Variants in STAM2 observed in about 807,000 individuals in gnomAD.
The protein encoded by STAM2 is signal transducing adapter molecule 2.
In STAM2, 51 loss-of-function variants were observed where a neutral mutation model predicts 65.6. The ratio of observed to expected loss-of-function variants is 0.78; its 90% CI spans 0.62 to 0.98. The LOEUF (loss-of-function observed/expected upper bound fraction) is 0.98, where lower values mean the gene tolerates loss of function less well. Ranked by LOEUF, STAM2 falls within the 50% of genes least tolerant of loss-of-function variation. STAM2 has a pLI of 0.00. For missense variants in STAM2, 584 were observed against 617.8 expected (o/e 0.95, Z 0.58); for synonymous variants, 198 against 208.4 (o/e 0.95, Z 0.43).
chr2:152,164,170 T>C (rs543284138), intron 1 of STAM2, among the ~76,000 whole-genome samples: 16 of 152,138 alleles, frequency 1.1e-4, no homozygotes, highest in Non-Finnish European at 2.1e-4. Flanking sequence ...CTTCTCTTTG[T>C]ACTCTTTCTC....
intron 1 of STAM2, among the ~76,000 whole-genome samples, chr2:152,160,924 G>T (rs1689660170): frequency 6.6e-6 from 1 of 151,462 alleles, no homozygotes; most frequent in African/African-American, 2.4e-5. Context: ...GAGGTGAGGG[G>T]CGCCTCTGCC....
At chr2:152,162,664 T>C (rs1205225594) in intron 1 of STAM2, among the ~76,000 whole-genome samples, 4 of 152,138 alleles carry the variant, frequency 2.6e-5, no homozygotes, top group African/African-American at 9.7e-5. Flanking sequence ...TAATTTGAGA[T>C]ACAGTCTCAC....
chr2:152,160,728 C>T (rs1426975648), intron 1 of STAM2, among the ~76,000 whole-genome samples: 2 of 149,164 alleles, frequency 1.3e-5, no homozygotes. Context: ...TGGCCAGCTG[C>T]CCCATCCGGG....
Position 152,165,710 on chromosome 2 carries a change from A to G in STAM2, c.40+9893T>C, listed in dbSNP as rs1056618335. ...GAGTAGTTCACCTCCATTCTGACTC[A>G]AACCCAAATCCATGTTCTCATTTGT... On this transcript the variant is annotated intron_variant, in intron 1 of 13. Transcript: ENST00000263904. 2.6e-5 allele frequency among the ~76,000 whole-genome samples: 4 copies of G among 152,172 alleles called. 1 individual carries two copies. Among genetic ancestry groups the G allele is most frequent in the African/African-American group, 2.4e-5 (1 of 41,440 alleles).
chr2:152,118,544 C>A lies in STAM2; in HGVS notation c.*2030G>T, dbSNP rs1688793988. The A allele has an allele frequency of 1.3e-5, 2 of 150,752 alleles. No homozygotes were observed. Among genetic ancestry groups the A allele is most frequent in the South Asian group, 4.2e-4 (2 of 4,812 alleles). 9.3% of individuals were successfully genotyped at this position (150,752 alleles called of 1,614,324 possible). ...TGGGTGTGCAGTAATTATATTGGCT[C>A]AAAGACATGCTGAATTAAACTTTTA... On this transcript the variant is annotated 3_prime_UTR_variant, in exon 14 of 14. Transcript: ENST00000263904.
intron 1 of STAM2, among the ~76,000 whole-genome samples, chr2:152,168,000 TTAAAGGACAA>T (rs1279126404): frequency 1.3e-5 from 2 of 151,852 alleles, no homozygotes; most frequent in African/African-American, 2.4e-5. Flanking sequence ...AGTGGTCAGA[TTAAAGGACAA>T]TAGACAACCA....
intron 11 of STAM2, 28 bp from the exon 12 acceptor site, chr2:152,126,407 C>CTTT: frequency 1.4e-6 from 2 of 1,380,426 alleles, no homozygotes; most frequent in Non-Finnish European, 1.9e-6. Context: ...TATTATAATA[C>CTTT]TCTTCTAGTT....
At chr2:152,148,809 G>C (rs1185182697) in intron 2 of STAM2, among the ~76,000 whole-genome samples, 1 of 150,898 alleles carries the variant, frequency 6.6e-6, no homozygotes, top group Admixed American at 6.6e-5. Flanking sequence ...TGCAAATGTT[G>C]TGTATTCCAA....
chr2:152,161,569 T>C (rs1413358217), intron 1 of STAM2, among the ~76,000 whole-genome samples: 1 of 150,884 alleles, frequency 6.6e-6, no homozygotes, highest in Non-Finnish European at 1.5e-5. Flanking sequence ...TGTAGTGAAA[T>C]TTAGATTAAA....
At chr2:152,165,436 A>C (rs1689759035) in intron 1 of STAM2, among the ~76,000 whole-genome samples, 1 of 152,026 alleles carries the variant, frequency 6.6e-6, no homozygotes, top group South Asian at 2.1e-4. Context: ...GTCTCAAAAA[A>C]AAAAAGTCTC....
chr2:152,148,970 G>A (rs17398399), intron 2 of STAM2, among the ~76,000 whole-genome samples: 22,684 of 152,094 alleles, frequency 0.15, 1,965 homozygotes, highest in Middle Eastern at 0.31. Context: ...AGAGGTTCAA[G>A]TATAAACATG....
intron 12 of STAM2, 135 bp from the exon 13 acceptor site, chr2:152,124,070 A>T: frequency 1.4e-6 from 1 of 705,474 alleles, no homozygotes; most frequent in Non-Finnish European, 2.3e-6. Context: ...CAATCTATCC[A>T]TCTTAGAACT....
intron 1 of STAM2, among the ~76,000 whole-genome samples, chr2:152,160,517 G>A (rs1689646593): frequency 6.6e-6 from 1 of 151,788 alleles, no homozygotes; most frequent in African/African-American, 2.4e-5. Context: ...GAGAAGTGAG[G>A]AGCCCCTCCG....
At chr2:152,135,395 G>T in intron 8 of STAM2, 114 bp downstream of exon 8, 3 of 746,182 alleles carry the variant, frequency 4.0e-6, no homozygotes, top group South Asian at 1.6e-5. Context: ...TGCCTATAAA[G>T]AAATGATTTA....
intron 2 of STAM2, among the ~76,000 whole-genome samples, chr2:152,149,718 G>T (rs971863696): frequency 2.6e-5 from 4 of 152,022 alleles, no homozygotes; most frequent in Non-Finnish European, 5.9e-5. Flanking sequence ...GGCTGGTTTC[G>T]AACTCCTGAC....
Position 152,120,165 on chromosome 2 carries a change from A to G in STAM2, c.*409T>C, listed in dbSNP as rs770915394. The G allele has an allele frequency of 2.6e-5, 4 of 150,960 alleles. No homozygotes were observed. The highest frequency in any genetic ancestry group is 5.6e-5 in the Non-Finnish European group (4 of 71,358). 9.4% of individuals were successfully genotyped at this position (150,960 alleles called of 1,614,324 possible). A position where few individuals can be genotyped will look rare whatever the true frequency, so the allele number is the denominator to read the frequency against. ...TAATATTTTAATCCTCCTATCTCAT[A>G]CTGTTTATAAGTATGAGATACTTTT... On this transcript the variant is annotated 3_prime_UTR_variant, in exon 14 of 14. Transcript: ENST00000263904.
chr2:152,160,764 G>C (rs1207779981), intron 1 of STAM2, among the ~76,000 whole-genome samples: 1 of 148,630 alleles, frequency 6.7e-6, no homozygotes, highest in Non-Finnish European at 1.5e-5. Flanking sequence ...CTGCCCGGCC[G>C]CCCCTACCGG....
intron 1 of STAM2, among the ~76,000 whole-genome samples, chr2:152,153,008 A>T (rs1452894191): frequency 6.6e-6 from 1 of 152,246 alleles, no homozygotes; most frequent in African/African-American, 2.4e-5. Context: ...TTACATGATC[A>T]AAGTAAAAAC....
chr2:152,135,396 A>G, intron 8 of STAM2, 113 bp downstream of exon 8: 1 of 751,220 alleles, frequency 1.3e-6, no homozygotes, highest in Non-Finnish European at 2.2e-6. Context: ...GCCTATAAAG[A>G]AATGATTTAA....
Sources: gnomAD v4.1 joint callset for allele counts (sites outside exome capture counted in the v4.1 genomes callset) on GRCh38, gnomAD v4.1.1 for gene constraint, MANE v1.5 for transcripts, NCBI Gene and HGNC (gene_info 2026-07-23, HGNC 2026-07-21) for gene names.